SAMMSON: variants seen among roughly 807,000 people sequenced by gnomAD.
The protein encoded by SAMMSON is long intergenic non-protein coding RNA 1212.
At chr3:70,336,075 G>A (rs1308496554) in intron 7 of SAMMSON, among the ~76,000 whole-genome samples, 2 of 151,962 alleles carry the variant, frequency 1.3e-5, no homozygotes, top group African/African-American at 2.4e-5. Flanking sequence ...TTCCATTCAA[G>A]GTCAAATTTA....
chr3:70,358,684 T>G (rs952598982), intron 9 of SAMMSON, among the ~76,000 whole-genome samples: 1 of 152,200 alleles, frequency 6.6e-6, no homozygotes, highest in Non-Finnish European at 1.5e-5. Flanking sequence ...TTCTGTTTTT[T>G]TTTCTTGTGA....
At chr3:70,430,808 G>C (rs528598651) in intron 2 of SAMMSON, among the ~76,000 whole-genome samples, 1 of 152,196 alleles carries the variant, frequency 6.6e-6, no homozygotes, top group South Asian at 2.1e-4. Flanking sequence ...ATAGGATATA[G>C]TTTAGCATTT....
At chr3:70,384,724 A>C (rs951334720) in intron 9 of SAMMSON, among the ~76,000 whole-genome samples, 6 of 152,066 alleles carry the variant, frequency 3.9e-5, no homozygotes, top group Non-Finnish European at 8.8e-5. Flanking sequence ...AATAAATAAC[A>C]AGCTTACTAG....
chr3:70,090,253 C>A (rs916461322), intron 4 of SAMMSON, among the ~76,000 whole-genome samples: 23 of 152,090 alleles, frequency 1.5e-4, no homozygotes, highest in African/African-American at 5.6e-4. Context: ...ATTATTTTTT[C>A]TCTGGGACAT....
intron 4 of SAMMSON, among the ~76,000 whole-genome samples, chr3:70,131,073 C>T (rs1011608841): frequency 8.5e-5 from 13 of 152,150 alleles, no homozygotes; most frequent in African/African-American, 2.9e-4. Context: ...AAATAGGGTA[C>T]TTTTTGACTG....
At chr3:70,087,493 T>C (rs1326528027) in intron 4 of SAMMSON, among the ~76,000 whole-genome samples, 1 of 152,194 alleles carries the variant, frequency 6.6e-6, no homozygotes, top group Non-Finnish European at 1.5e-5. Context: ...ACAGATCTAT[T>C]GACTCAGTAA....
At chr3:70,334,640 A>G (rs1000834331) in intron 7 of SAMMSON, among the ~76,000 whole-genome samples, 2 of 152,052 alleles carry the variant, frequency 1.3e-5, no homozygotes, top group African/African-American at 4.8e-5. Flanking sequence ...GCTAGGCTCT[A>G]TGCATGATAA....
intron 4 of SAMMSON, among the ~76,000 whole-genome samples, chr3:70,221,565 A>AG (rs1228389829): frequency 6.6e-6 from 1 of 152,130 alleles, no homozygotes; most frequent in Non-Finnish European, 1.5e-5. Context: ...GCCTATTTAA[A>AG]GGAGAAACAC....
chr3:70,368,957 A>T (rs1281753743), intron 9 of SAMMSON, among the ~76,000 whole-genome samples: 1 of 151,696 alleles, frequency 6.6e-6, no homozygotes, highest in African/African-American at 2.4e-5. Context: ...TCTGGTAAGA[A>T]TTAACATTGA....
intron 7 of SAMMSON, among the ~76,000 whole-genome samples, chr3:70,297,132 TTAAAAAAATATTTTTA>T (rs1431079391): frequency 6.6e-6 from 1 of 152,154 alleles, no homozygotes; most frequent in Non-Finnish European, 1.5e-5. Flanking sequence ...CCTTGCTTAC[TTAAAAAAATATTTTTA>T]TGCACAGTAC....
intron 2 of SAMMSON, among the ~76,000 whole-genome samples, chr3:70,424,507 G>T (rs1471214962): frequency 6.6e-6 from 1 of 151,826 alleles, no homozygotes; most frequent in African/African-American, 2.4e-5. Flanking sequence ...TTTCACACTG[G>T]ATGACACTGA....
intron 4 of SAMMSON, among the ~76,000 whole-genome samples, chr3:70,168,962 T>C (rs1387605844): frequency 6.6e-6 from 1 of 151,968 alleles, no homozygotes; most frequent in Non-Finnish European, 1.5e-5. Flanking sequence ...GTGTGTTGAA[T>C]TGCACTGACT....
At chr3:70,194,890 G>T (rs1177321017) in intron 4 of SAMMSON, among the ~76,000 whole-genome samples, 6 of 152,160 alleles carry the variant, frequency 3.9e-5, no homozygotes, top group Admixed American at 3.9e-4. Flanking sequence ...ACGGGTAGAG[G>T]GGTGGGTGCT....
chr3:70,290,861 G>T (rs1702230493), intron 6 of SAMMSON, among the ~76,000 whole-genome samples: 1 of 152,160 alleles, frequency 6.6e-6, no homozygotes, highest in African/African-American at 2.4e-5. Context: ...ACTAGGAAAG[G>T]GAACTCGCTG....
chr3:70,431,346 C>T (rs1431224266), intron 2 of SAMMSON, among the ~76,000 whole-genome samples: 2 of 151,938 alleles, frequency 1.3e-5, no homozygotes, highest in African/African-American at 2.4e-5. Context: ...CTGTGAGATC[C>T]TTTGTCAGGT....
At chr3:70,283,095 G>A (rs1702105365) in intron 6 of SAMMSON, among the ~76,000 whole-genome samples, 1 of 151,930 alleles carries the variant, frequency 6.6e-6, no homozygotes, top group South Asian at 2.1e-4. Context: ...ATAGGTCTTG[G>A]GTATATTAAT....
intron 3 of SAMMSON, among the ~76,000 whole-genome samples, chr3:70,039,222 G>A (rs565050677): frequency 6.6e-6 from 1 of 152,230 alleles, no homozygotes; most frequent in East Asian, 1.9e-4. Context: ...CATCAAGGAG[G>A]TTAAGCAATT....
intron 3 of SAMMSON, among the ~76,000 whole-genome samples, chr3:70,029,885 G>A (rs1365215820): frequency 1.3e-5 from 2 of 151,946 alleles, no homozygotes; most frequent in African/African-American, 2.4e-5. Context: ...TTTGAGTATC[G>A]TTTGCATTAG....
At chr3:70,235,873 A>T (rs1332444923) in intron 4 of SAMMSON, among the ~76,000 whole-genome samples, 5 of 152,322 alleles carry the variant, frequency 3.3e-5, no homozygotes, top group African/African-American at 1.2e-4. Context: ...AAGACAATAC[A>T]TGTTCATTAA....
Sources: gnomAD v4.1 joint callset for allele counts (sites outside exome capture counted in the v4.1 genomes callset) on GRCh38, gnomAD v4.1.1 for gene constraint, MANE v1.5 for transcripts, NCBI Gene and HGNC (gene_info 2026-07-23, HGNC 2026-07-21) for gene names.